The following TAFA1 variants were observed in gnomAD, a reference collection of about 807,000 sequenced individuals.
The protein encoded by TAFA1 is chemokine-like protein TAFA-1.
Under a neutral mutation model 18.5 loss-of-function variants are expected in TAFA1, and 4 were observed. The ratio of observed to expected loss-of-function variants is 0.22; its 90% CI spans 0.11 to 0.49. The LOEUF (loss-of-function observed/expected upper bound fraction) is 0.49, where lower values mean the gene tolerates loss of function less well. Ranked by LOEUF, TAFA1 falls within the 20% of genes least tolerant of loss-of-function variation. The pLI is 0.98. For missense variants in TAFA1, 147 were observed against 169.0 expected (o/e 0.87, Z 0.72); for synonymous variants, 56 against 55.2 (o/e 1.01, Z -0.06).
At chr3:68,352,875 C>T (rs1038118153) in intron 2 of TAFA1, among the ~76,000 whole-genome samples, 2 of 152,042 alleles carry the variant, frequency 1.3e-5, no homozygotes, top group African/African-American at 4.8e-5. Flanking sequence ...CTAGAGCCCA[C>T]ATCTGTCATT....
chr3:68,461,377 A>ATATATATATG (rs1337466211), intron 3 of TAFA1, among the ~76,000 whole-genome samples: 1 of 142,004 alleles, frequency 7.0e-6, no homozygotes, highest in African/African-American at 2.8e-5. Context: ...ATATATATAT[A>ATATATATATG]TATGTATGTA....
intron 2 of TAFA1, among the ~76,000 whole-genome samples, chr3:68,077,630 G>A (rs1205727642): frequency 1.7e-3 from 260 of 152,062 alleles, no homozygotes; most frequent in African/African-American, 5.1e-3. Flanking sequence ...GATATGTGGC[G>A]TTATTTCTGA....
At chr3:68,174,393 A>C (rs1293686388) in intron 2 of TAFA1, among the ~76,000 whole-genome samples, 1 of 152,148 alleles carries the variant, frequency 6.6e-6, no homozygotes, top group Non-Finnish European at 1.5e-5. Flanking sequence ...AATGTGGGAA[A>C]GTTTGGAACT....
intron 3 of TAFA1, among the ~76,000 whole-genome samples, chr3:68,430,852 TA>T (rs1028798706): frequency 6.6e-6 from 1 of 152,012 alleles, no homozygotes; most frequent in Non-Finnish European, 1.5e-5. Flanking sequence ...ATGGAAATTT[TA>T]AATCACTGTT....
chr3:68,328,134 T>C (rs2068806941), intron 2 of TAFA1, among the ~76,000 whole-genome samples: 1 of 152,168 alleles, frequency 6.6e-6, no homozygotes, highest in African/African-American at 2.4e-5. Flanking sequence ...ATCTCATTTT[T>C]CTCATTTTGC....
At chr3:68,495,250 G>A (rs1193950449) in intron 3 of TAFA1, among the ~76,000 whole-genome samples, 3 of 152,048 alleles carry the variant, frequency 2.0e-5, no homozygotes, top group Non-Finnish European at 4.4e-5. Context: ...ACTTACTATT[G>A]AAATACATAA....
At chr3:68,528,837 A>G (rs2073145463) in intron 3 of TAFA1, among the ~76,000 whole-genome samples, 1 of 152,132 alleles carries the variant, frequency 6.6e-6, no homozygotes, top group African/African-American at 2.4e-5. Context: ...TCACTTAGTG[A>G]AGAATTGCCT....
chr3:68,254,763 A>C (rs1177968538), intron 2 of TAFA1, among the ~76,000 whole-genome samples: 1 of 152,108 alleles, frequency 6.6e-6, no homozygotes, highest in Non-Finnish European at 1.5e-5. Flanking sequence ...TAGGATGTTC[A>C]TGTCTGACTT....
At chr3:68,099,487 TAA>T (rs2065123104) in intron 2 of TAFA1, among the ~76,000 whole-genome samples, 1 of 152,004 alleles carries the variant, frequency 6.6e-6, no homozygotes, top group South Asian at 2.1e-4. Context: ...TGGCTATTAT[TAA>T]AAAGTCAAAG....
intron 3 of TAFA1, among the ~76,000 whole-genome samples, chr3:68,498,386 A>T (rs938992005): frequency 6.8e-6 from 1 of 147,340 alleles, no homozygotes; most frequent in South Asian, 2.1e-4. Flanking sequence ...TACACCTAGG[A>T]GGCAGGGTTA....
At chr3:68,533,241 TG>T (rs1259051565) in intron 3 of TAFA1, among the ~76,000 whole-genome samples, 1 of 152,186 alleles carries the variant, frequency 6.6e-6, no homozygotes, top group Non-Finnish European at 1.5e-5. Flanking sequence ...TCCATGTGGC[TG>T]GAGAGGCCTC....
chr3:68,217,152 C>G (rs1180964741), intron 2 of TAFA1, among the ~76,000 whole-genome samples: 2 of 152,028 alleles, frequency 1.3e-5, no homozygotes, highest in East Asian at 3.9e-4. Context: ...TTAACACAAA[C>G]AAAAGTAATT....
At chr3:68,477,369 C>CT (rs2072119861) in intron 3 of TAFA1, among the ~76,000 whole-genome samples, 1 of 151,766 alleles carries the variant, frequency 6.6e-6, no homozygotes. Flanking sequence ...ATAAATAGTG[C>CT]TTTTAAAAAA....
In TAFA1 at chr3:68,376,333, T is replaced by A. The variant is rs757779845; in HGVS notation, c.119-40947T>A. Among the ~76,000 whole-genome samples the A allele has an allele frequency of 3.3e-5, 5 of 152,124 alleles. No individual in the cohort carries two copies. In the South Asian group the frequency reaches 1.0e-3, roughly 32 times the overall value. On this transcript the variant is annotated intron_variant, in intron 2 of 4. Coordinates refer to ENST00000478136, the MANE Select transcript of TAFA1 (RefSeq NM_213609.4). ...AAACTTGTGTCATGGGTTTTTTTTTTACAGATCATTTCATCATCCAGGTAT... is the reference window on the plus strand; with the variant it reads ...AAACTTGTGTCATGGGTTTTTTTTTAACAGATCATTTCATCATCCAGGTAT...
chr3:67,992,074 G>A, the TAFA1 span, among the ~76,000 whole-genome samples: 1 of 152,196 alleles, frequency 6.6e-6, no homozygotes, highest in Non-Finnish European at 1.5e-5. Flanking sequence ...AATGTGAGTG[G>A]AAGGGATGTG....
At chr3:68,322,327 G>A (rs1378846952) in intron 2 of TAFA1, among the ~76,000 whole-genome samples, 3 of 152,156 alleles carry the variant, frequency 2.0e-5, no homozygotes, top group Non-Finnish European at 4.4e-5. Context: ...TATAAGATTT[G>A]CTGGGTTTGT....
At chr3:68,393,902 A>T (rs1291000254) in intron 2 of TAFA1, among the ~76,000 whole-genome samples, 1 of 152,046 alleles carries the variant, frequency 6.6e-6, no homozygotes, top group East Asian at 1.9e-4. Context: ...ACCACAGCCA[A>T]TATCATACAG....
intron 2 of TAFA1, among the ~76,000 whole-genome samples, chr3:68,262,307 G>GTA (rs763753757): frequency 1.3e-3 from 43 of 32,238 alleles, no homozygotes; most frequent in Non-Finnish European, 1.9e-3. Context: ...GATATGGAGG[G>GTA]TATATATATA....
intron 3 of TAFA1, among the ~76,000 whole-genome samples, chr3:68,444,790 A>G (rs2071447307): frequency 1.7e-5 from 2 of 121,100 alleles, no homozygotes; most frequent in Admixed American, 1.6e-4. Flanking sequence ...ATATATATAT[A>G]TATATATATA....
Sources: gnomAD v4.1 joint callset for allele counts (sites outside exome capture counted in the v4.1 genomes callset) on GRCh38, gnomAD v4.1.1 for gene constraint, MANE v1.5 for transcripts, NCBI Gene and HGNC (gene_info 2026-07-23, HGNC 2026-07-21) for gene names.